The following TAOK3 variants were observed in gnomAD, a reference collection of about 807,000 sequenced individuals.
The protein encoded by TAOK3 is TAO kinase 3, also known as serine/threonine-protein kinase TAO3.
TAOK3 carries 40 observed loss-of-function variants against 120.4 expected under a neutral mutation model. The observed-to-expected ratio is 0.33, with a 90% CI of 0.26 to 0.43. TAOK3 has a LOEUF of 0.43. TAOK3 is among the 20% of genes least tolerant of loss of function. TAOK3 has a pLI of 1.00. For missense variants in TAOK3, 821 were observed against 1,112.1 expected (o/e 0.74, Z 3.72); for synonymous variants, 355 against 387.5 (o/e 0.92, Z 0.99).
chr12:118,362,252 T>C (rs2045620052), intron 1 of TAOK3, among the ~76,000 whole-genome samples: 1 of 132,900 alleles, frequency 7.5e-6, no homozygotes, highest in South Asian at 2.3e-4. Context: ...TGGGCCATAA[T>C]GAAAGACGAA....
intron 1 of TAOK3, among the ~76,000 whole-genome samples, chr12:118,306,334 T>TA (rs761441601): frequency 7.2e-5 from 11 of 152,102 alleles, no homozygotes; most frequent in Non-Finnish European, 8.8e-5. Context: ...CTTTATTTTT[T>TA]ATGTTTTTAT....
chr12:118,275,362 TG>T lies in TAOK3; in HGVS notation c.-193-8604del, dbSNP rs146910331. ...GTTGCCCAGACTGGTCTCCAACTCC[TG>T]GGTCAAGCAATCCTCCTGCCTCAGC... is the stretch of plus-strand genomic sequence containing the variant. On this transcript the variant is annotated intron_variant, in intron 1 of 20. Coordinates refer to ENST00000392533, the MANE Select transcript of TAOK3 (RefSeq NM_016281.4). Among the ~76,000 whole-genome samples the T allele has an allele frequency of 8.6e-3, 1,307 of 152,196 alleles. 12 individuals are homozygous for T. The highest frequency in any genetic ancestry group is 0.029 in the African/African-American group (1,203 of 41,546).
intron 1 of TAOK3, chr12:118,283,638 G>C (rs2042170152): frequency 6.4e-6 from 1 of 156,302 alleles, no homozygotes; most frequent in African/African-American, 2.4e-5. Flanking sequence ...GCTGAGGCCG[G>C]AGAATTGCTT....
chr12:118,258,243 G>T (rs58692694), intron 2 of TAOK3, among the ~76,000 whole-genome samples: 1,722 of 152,212 alleles, frequency 0.011, 28 homozygotes, highest in African/African-American at 0.04. Flanking sequence ...GGGAACCACT[G>T]AAGGTTTATA....
In TAOK3 at chr12:118,189,846, C is replaced by G; in HGVS notation, c.1290G>C (p.Arg430=). The stretch of plus-strand genomic sequence containing the variant: ...TGATCGTGGCAAAGCGCTCTCTGTT[C>G]CGGTAGTGGAGGGCCTGGCTCTGAA... ...QSVQSQALHY[R]NRERFATIKS... is the part of the protein sequence containing the mutation. Residue 430 remains arginine (R), a synonymous_variant, in exon 14 of 21, where the codon CGG becomes CGC. Coordinates refer to ENST00000392533, the MANE Select transcript of TAOK3 (RefSeq NM_016281.4). 6.2e-7 allele frequency: 1 copy of G among 1,614,180 alleles called. No individual in the cohort carries two copies. The highest frequency in any genetic ancestry group is 8.5e-7 in the Non-Finnish European group (1 of 1,180,032).
At chr12:118,210,253 GCA>G (rs2038553068) in intron 11 of TAOK3, among the ~76,000 whole-genome samples, 2 of 151,936 alleles carry the variant, frequency 1.3e-5, no homozygotes, top group Non-Finnish European at 2.9e-5. Flanking sequence ...CTGTTATTGA[GCA>G]ATTTTTAAAA....
chr12:118,210,779 C>A (rs910364984), intron 11 of TAOK3, among the ~76,000 whole-genome samples: 1 of 146,186 alleles, frequency 6.8e-6, no homozygotes, highest in African/African-American at 2.6e-5. Context: ...CGCTCTGTTG[C>A]CCCGGCTGGA....
At chr12:118,284,643 T>C (rs1466308473) in intron 1 of TAOK3, among the ~76,000 whole-genome samples, 2 of 151,700 alleles carry the variant, frequency 1.3e-5, no homozygotes, top group African/African-American at 2.4e-5. Flanking sequence ...TAGAAAGAGA[T>C]GGAGATTGGT....
intron 1 of TAOK3, among the ~76,000 whole-genome samples, chr12:118,294,275 C>T (rs1427156416): frequency 6.6e-6 from 1 of 152,296 alleles, no homozygotes; most frequent in Admixed American, 6.5e-5. Flanking sequence ...TTCCCTTTTG[C>T]TCCTCTGCAG....
chr12:118,346,189 C>T (rs543366125), intron 1 of TAOK3, among the ~76,000 whole-genome samples: 2 of 152,086 alleles, frequency 1.3e-5, no homozygotes, highest in African/African-American at 4.8e-5. Flanking sequence ...AAAGAACTAT[C>T]TTAGGTCAGG....
intron 19 of TAOK3, among the ~76,000 whole-genome samples, chr12:118,154,466 A>T (rs1488725462): frequency 1.3e-5 from 2 of 152,188 alleles, no homozygotes; most frequent in Non-Finnish European, 2.9e-5. Flanking sequence ...TTTTTGAGAC[A>T]GTCTCACTCA....
intron 3 of TAOK3, chr12:118,246,990 T>G: frequency 6.2e-6 from 6 of 968,956 alleles, no homozygotes; most frequent in Non-Finnish European, 9.0e-6. Flanking sequence ...AAAAATAAAG[T>G]GAATTAAGCG....
At chr12:118,186,897 T>C (rs1270763604) in intron 14 of TAOK3, among the ~76,000 whole-genome samples, 1 of 152,172 alleles carries the variant, frequency 6.6e-6, no homozygotes, top group Non-Finnish European at 1.5e-5. Context: ...TAAAGACATG[T>C]AGCAATACAG....
At chr12:118,237,611 A>AT (rs1288455433) in intron 7 of TAOK3, among the ~76,000 whole-genome samples, 1 of 152,188 alleles carries the variant, frequency 6.6e-6, no homozygotes, top group Non-Finnish European at 1.5e-5. Flanking sequence ...TACAGTAAAG[A>AT]TAATATCTTC....
intron 1 of TAOK3, among the ~76,000 whole-genome samples, chr12:118,269,357 T>A (rs971305231): frequency 6.6e-6 from 1 of 150,628 alleles, no homozygotes; most frequent in African/African-American, 2.4e-5. Flanking sequence ...GTTACATAAT[T>A]AATTTTCTTT....
intron 3 of TAOK3, chr12:118,246,548 C>G (rs1003899890): frequency 6.5e-7 from 1 of 1,548,222 alleles, no homozygotes; most frequent in Admixed American, 1.8e-5. Flanking sequence ...GTGGGGCCAT[C>G]ATCCTGGCCA....
chr12:118,175,257 C>G (rs1419587923), intron 16 of TAOK3, among the ~76,000 whole-genome samples: 5 of 152,156 alleles, frequency 3.3e-5, no homozygotes, highest in Non-Finnish European at 5.9e-5. Flanking sequence ...CCCCAACCCC[C>G]TTGGTTTCAC....
intron 1 of TAOK3, among the ~76,000 whole-genome samples, chr12:118,366,202 T>C (rs1412832136): frequency 6.6e-6 from 1 of 152,046 alleles, no homozygotes; most frequent in African/African-American, 2.4e-5. Context: ...AGGTGGAGGT[T>C]ACAGTTAGCC....
At position 118,151,066 on chromosome 12, in the gene TAOK3, G is replaced by A. The variant is rs756703776; in HGVS notation, c.2628C>T (p.Asp876=). ...CAAATCCCATTCTGAGGCTCTCCAT[G>A]TCAAAAGTTTCAATCTCTCGCTCTT... ...ERQEREIETF[D]MESLRMGFGN... The change falls in exon 21 of 21, where the codon GAC becomes GAT. Residue 876 remains aspartate (D), a synonymous_variant. Coordinates refer to ENST00000392533, the MANE Select transcript of TAOK3 (RefSeq NM_016281.4). The A allele has an allele frequency of 3.7e-6, 6 of 1,609,648 alleles. No individual in the cohort carries two copies. Among genetic ancestry groups the A allele is most frequent in the South Asian group, 2.2e-5 (2 of 91,008 alleles).
Sources: allele counts gnomAD v4.1 joint callset (sites outside exome capture counted in the v4.1 genomes callset), GRCh38; gene constraint gnomAD v4.1.1; transcripts MANE v1.5; gene names NCBI Gene and HGNC (gene_info 2026-07-23, HGNC 2026-07-21).